The following SLC12A8 variants were observed in gnomAD, a reference collection of about 807,000 sequenced individuals.
SLC12A8 encodes the protein cation-chloride cotransporter 9.
A neutral mutation model predicts 75.6 loss-of-function variants in SLC12A8; 69 were observed. The ratio of observed to expected loss-of-function variants is 0.91; its 90% CI spans 0.75 to 1.11. The LOEUF is 1.11. Among genes scored for constraint, SLC12A8 ranks in the 50% most tolerant of loss-of-function variants. The pLI is 0.00. For synonymous variants in SLC12A8, 365 were observed against 372.8 expected (o/e 0.98, Z 0.24); for missense variants, 877 against 896.7 (o/e 0.98, Z 0.28).
rs182865847 is a variant in SLC12A8, at chr3:125,166,606, T to C, written c.622+11137A>G. On this transcript the variant is annotated intron_variant, in intron 5 of 13. Coordinates refer to ENST00000469902, the MANE Select transcript of SLC12A8 (RefSeq NM_024628.6). ...AAAGTCTTTCCTGACTCTCCGACTG[T>C]ACGGGGAGCGCCAGGAGACCCGGGT... Among the ~76,000 whole-genome samples the C allele has an allele frequency of 1.2e-4, 18 of 152,322 alleles. No homozygotes were observed. In the East Asian group the frequency reaches 3.5e-3, roughly 29 times the overall value.
At chr3:125,207,216 A>G (rs1935243497) in intron 2 of SLC12A8, among the ~76,000 whole-genome samples, 1 of 152,114 alleles carries the variant, frequency 6.6e-6, no homozygotes, top group South Asian at 2.1e-4. Context: ...TTCTAGAATA[A>G]TTAGCCAGAC....
intron 2 of SLC12A8, among the ~76,000 whole-genome samples, chr3:125,194,971 A>C (rs1194065460): frequency 1.3e-5 from 2 of 152,202 alleles, no homozygotes; most frequent in Non-Finnish European, 2.9e-5. Context: ...AGGGGTTGAG[A>C]GCTGGGCCGG....
Position 125,187,446 on chromosome 3 carries a change from G to C in SLC12A8, c.199-18C>G. On this transcript the variant is annotated intron_variant, in intron 3 of 13. Transcript: ENST00000469902. Reference sequence around the variant, plus strand: ...GTGTTTCCCTGCAGCAGAATAGCAAGGAGCAAGGTTGGATTAGGTGAGGAG... The same window carrying C: ...GTGTTTCCCTGCAGCAGAATAGCAACGAGCAAGGTTGGATTAGGTGAGGAG... 6.2e-7 allele frequency: 1 copy of C among 1,611,970 alleles called. No individual in the cohort carries two copies. The highest frequency in any genetic ancestry group is 8.5e-7 in the Non-Finnish European group (1 of 1,178,878).
rs370633928 is a variant in SLC12A8 at position 125,187,274 on chromosome 3, G to A, written c.353C>T (p.Thr118Met). 5.3e-5 allele frequency: 86 copies of A among 1,614,044 alleles called. No homozygotes were observed. Among genetic ancestry groups the A allele is most frequent in the South Asian group, 1.1e-4 (10 of 91,086 alleles). ...ATAGAGCAGCCCGATGGTGCCTCCC[G>A]TCTGCCCACCCAGGACCGAGGAGAT... ...SMISSVLGGQ[T>M]GGTIGLLYVF... The change falls in exon 4 of 14, where the codon ACG becomes ATG. Residue 118 changes from threonine (T) to methionine (M), a missense_variant. Transcript: ENST00000469902.
chr3:125,164,164 A>G (rs1443285271), intron 5 of SLC12A8, among the ~76,000 whole-genome samples: 1 of 152,224 alleles, frequency 6.6e-6, no homozygotes. Flanking sequence ...GAAAGGAGAA[A>G]GGAAGCAGTA....
At chr3:125,167,012 CTTTA>C (rs1416706196) in intron 5 of SLC12A8, among the ~76,000 whole-genome samples, 1 of 152,134 alleles carries the variant, frequency 6.6e-6, no homozygotes, top group Non-Finnish European at 1.5e-5. Flanking sequence ...ATCTGTAATG[CTTTA>C]TTTATTTTTA....
intron 8 of SLC12A8, among the ~76,000 whole-genome samples, chr3:125,111,703 C>T (rs964462536): frequency 6.6e-6 from 1 of 152,200 alleles, no homozygotes; most frequent in African/African-American, 2.4e-5. Context: ...ACATTGAACA[C>T]AAGCCACTGG....
At chr3:125,100,151 G>A (rs1274064922) in intron 10 of SLC12A8, among the ~76,000 whole-genome samples, 1 of 152,142 alleles carries the variant, frequency 6.6e-6, no homozygotes, top group Non-Finnish European at 1.5e-5. Flanking sequence ...GAGGCCTAAT[G>A]GGATAATGTC....
At chr3:125,177,214 C>CTA (rs1934552038) in intron 5 of SLC12A8, among the ~76,000 whole-genome samples, 1 of 151,032 alleles carries the variant, frequency 6.6e-6, no homozygotes, top group Non-Finnish European at 1.5e-5. Context: ...TCTCAGCAAA[C>CTA]TATCGCAAGG....
intron 5 of SLC12A8, among the ~76,000 whole-genome samples, chr3:125,162,856 T>A (rs1047645074): frequency 6.6e-5 from 10 of 151,436 alleles, no homozygotes; most frequent in African/African-American, 2.4e-4. Flanking sequence ...GAAACCCCTA[T>A]CCAGTAGCTC....
chr3:125,166,290 C>A lies in SLC12A8; in HGVS notation c.622+11453G>T, dbSNP rs1934285160. Among the ~76,000 whole-genome samples, 4 of 150,060 alleles carry A rather than the reference C, an allele frequency of 2.7e-5. No individual in the cohort carries two copies. In the Admixed American group the frequency reaches 2.7e-4, roughly 10 times the overall value. On this transcript the variant is annotated intron_variant, in intron 5 of 13. Coordinates refer to ENST00000469902, the MANE Select transcript of SLC12A8 (RefSeq NM_024628.6). ...AGCCAGTCAGGTGTCAGCCTTATCC[C>A]TTTTCTTGGCCTCACCCCATACCCC...
intron 5 of SLC12A8, among the ~76,000 whole-genome samples, chr3:125,156,495 C>T (rs760162575): frequency 1.3e-4 from 20 of 152,006 alleles, no homozygotes; most frequent in Admixed American, 5.9e-4. Context: ...TATAAACTAA[C>T]GAGACAAAAA....
intron 5 of SLC12A8, among the ~76,000 whole-genome samples, chr3:125,168,970 G>A (rs1335150171): frequency 6.6e-6 from 1 of 152,224 alleles, no homozygotes; most frequent in African/African-American, 2.4e-5. Context: ...GACAGAGAGT[G>A]TGCAGTGCAG....
intron 5 of SLC12A8, among the ~76,000 whole-genome samples, chr3:125,143,125 T>C (rs1378278576): frequency 6.6e-6 from 1 of 152,230 alleles, no homozygotes; most frequent in Non-Finnish European, 1.5e-5. Context: ...AGCCAACTGT[T>C]CAAAAGACAC....
chr3:125,207,589 C>G (rs747531901), intron 2 of SLC12A8, among the ~76,000 whole-genome samples: 2 of 152,224 alleles, frequency 1.3e-5, no homozygotes, highest in Non-Finnish European at 2.9e-5. Context: ...ATTCCCAACG[C>G]TAAGAGCATG....
chr3:125,088,715 A>T (rs1008629314), intron 12 of SLC12A8, among the ~76,000 whole-genome samples: 3 of 152,250 alleles, frequency 2.0e-5, no homozygotes, highest in African/African-American at 7.2e-5. Context: ...CATACTGACA[A>T]GTGTTGAATA....
chr3:125,176,205 A>T (rs375012632), intron 5 of SLC12A8, among the ~76,000 whole-genome samples: 10 of 152,190 alleles, frequency 6.6e-5, no homozygotes, highest in African/African-American at 2.2e-4. Flanking sequence ...CTCAGGCAAC[A>T]GCTTTAGCAT....
chr3:125,088,378 G>C lies in SLC12A8; in HGVS notation c.1922-8C>G, dbSNP rs770595839. 1 of 1,614,064 alleles carries C rather than the reference G, an allele frequency of 6.2e-7. No individual in the cohort carries two copies. The highest frequency in any genetic ancestry group is 1.1e-5 in the South Asian group (1 of 91,072). ...TGAAGTTGGAGGCTGATCCTGCAGG[G>C]AAGACATATACATAACCATTTTTGA... On this transcript the variant is annotated splice_region_variant and splice_polypyrimidine_tract_variant and intron_variant, in intron 12 of 13. Transcript: ENST00000469902.
At chr3:125,162,294 GAC>G (rs1934192571) in intron 5 of SLC12A8, among the ~76,000 whole-genome samples, 1 of 152,238 alleles carries the variant, frequency 6.6e-6, no homozygotes, top group Admixed American at 6.5e-5. Flanking sequence ...GGTGTTGGAG[GAC>G]ACAGAGTTGA....
Sources: allele counts gnomAD v4.1 joint callset (sites outside exome capture counted in the v4.1 genomes callset), GRCh38; gene constraint gnomAD v4.1.1; transcripts MANE v1.5; gene names NCBI Gene and HGNC (gene_info 2026-07-23, HGNC 2026-07-21).